The following KCNK13 variants were observed in gnomAD, a reference collection of about 807,000 sequenced individuals.
KCNK13 encodes potassium two pore domain channel subfamily K member 13, also known as potassium channel subfamily K member 13.
A neutral mutation model predicts 23.4 loss-of-function variants in KCNK13; 12 were observed. That is an observed-to-expected ratio of 0.51 (90% CI 0.33 to 0.83). KCNK13 has a LOEUF of 0.83. Among genes scored for constraint, KCNK13 ranks in the 40% least tolerant of loss-of-function variants. The pLI is 0.02. For missense variants in KCNK13, 463 were observed against 556.3 expected (o/e 0.83, Z 1.69); for synonymous variants, 231 against 229.5 (o/e 1.01, Z -0.06).
chr14:90,113,661 G>A (rs555685710), intron 1 of KCNK13, among the ~76,000 whole-genome samples: 2 of 152,130 alleles, frequency 1.3e-5, no homozygotes, highest in African/African-American at 2.4e-5. Flanking sequence ...GGCCGGGCAC[G>A]GTGGCTCATG....
chr14:90,113,358 C>T (rs902805068), intron 1 of KCNK13, among the ~76,000 whole-genome samples: 3 of 151,940 alleles, frequency 2.0e-5, no homozygotes, highest in Admixed American at 6.6e-5. Context: ...TGGTAAAATT[C>T]GGACGAAAAT....
intron 1 of KCNK13, among the ~76,000 whole-genome samples, chr14:90,144,894 G>A (rs1451502232): frequency 1.3e-5 from 2 of 152,104 alleles, no homozygotes; most frequent in East Asian, 1.9e-4. Context: ...GGAAAGCATT[G>A]TCTCTCATCA....
At chr14:90,133,239 C>T (rs1668686286) in intron 1 of KCNK13, among the ~76,000 whole-genome samples, 1 of 152,174 alleles carries the variant, frequency 6.6e-6, no homozygotes, top group African/African-American at 2.4e-5. Context: ...AAATCAGGCA[C>T]AGACCTCAAA....
intron 1 of KCNK13, among the ~76,000 whole-genome samples, chr14:90,176,000 G>C (rs191962535): frequency 1.3e-5 from 2 of 152,108 alleles, no homozygotes. Flanking sequence ...GTACAGCATC[G>C]CTCCCACCAT....
At chr14:90,135,949 A>C (rs1889931242) in intron 1 of KCNK13, among the ~76,000 whole-genome samples, 2 of 152,106 alleles carry the variant, frequency 1.3e-5, no homozygotes, top group Admixed American at 1.3e-4. Context: ...GGGCATAAAG[A>C]AAACTCACTT....
chr14:90,066,979 G>A (rs1479142640), intron 1 of KCNK13, among the ~76,000 whole-genome samples: 1 of 152,128 alleles, frequency 6.6e-6, no homozygotes, highest in Admixed American at 6.5e-5. Context: ...AAAAAAAAAG[G>A]AATGAAATTG....
At chr14:90,148,442 A>G (rs59296203) in intron 1 of KCNK13, among the ~76,000 whole-genome samples, 9,894 of 152,314 alleles carry the variant, frequency 0.065, 419 homozygotes, top group South Asian at 0.21. Flanking sequence ...ATCATTTCAT[A>G]TGGATAATAA....
At chr14:90,130,534 C>T (rs1043623218) in intron 1 of KCNK13, among the ~76,000 whole-genome samples, 6 of 151,508 alleles carry the variant, frequency 4.0e-5, no homozygotes, top group Non-Finnish European at 8.8e-5. Flanking sequence ...GAGTGTTGGC[C>T]GGGCACAGTC....
At chr14:90,069,454 A>G (rs1480075951) in intron 1 of KCNK13, among the ~76,000 whole-genome samples, 3 of 152,028 alleles carry the variant, frequency 2.0e-5, no homozygotes, top group African/African-American at 7.3e-5. Context: ...TCTGGGGCTC[A>G]GCTGGTAGGT....
chr14:90,165,612 G>A (rs1209875959), intron 1 of KCNK13, among the ~76,000 whole-genome samples: 2 of 152,152 alleles, frequency 1.3e-5, no homozygotes, highest in African/African-American at 4.8e-5. Context: ...TCAGTCTGAG[G>A]GAGGGCAATT....
chr14:90,152,438 G>A (rs918189949), intron 1 of KCNK13, among the ~76,000 whole-genome samples: 1 of 152,156 alleles, frequency 6.6e-6, no homozygotes, highest in Admixed American at 6.5e-5. Context: ...AGAAGGCTGA[G>A]GCAGGAGAAT....
At chr14:90,130,151 GCTAGAA>G (rs1889850009) in intron 1 of KCNK13, among the ~76,000 whole-genome samples, 1 of 151,850 alleles carries the variant, frequency 6.6e-6, no homozygotes, top group South Asian at 2.1e-4. Context: ...TTTATCACAT[GCTAGAA>G]CTGGAAGAAG....
At position 90,184,731 on chromosome 14, in the gene KCNK13, G is replaced by A. The variant is rs116151862; in HGVS notation, c.955G>A (p.Val319Ile). The A allele has an allele frequency of 7.6e-4, 1,227 of 1,614,174 alleles. 1 individual carries two copies. The highest frequency in any genetic ancestry group is 8.9e-4 in the Non-Finnish European group (1,046 of 1,180,032). ...CAGGAACGTGGTGATGCCAGGCAGC[G>A]TCCGGAACCGCTGCAACATCTCCAT... ...SRRNVVMPGS[V>I]RNRCNISIET... Residue 319 changes from valine to isoleucine, a missense_variant, in exon 2 of 2, where the codon GTC becomes ATC. By Grantham distance (29) the Val-to-Ile change is conservative. Around this residue, in one of 3 missense-constraint regions of KCNK13, gnomAD observed 166 missense variants for 178.8 expected, o/e 0.93. Transcript: ENST00000282146. The surrounding 1 kb of genome is among the most constrained non-coding windows in gnomAD (Gnocchi z 5.6).
At chr14:90,143,351 G>T in intron 1 of KCNK13, among the ~76,000 whole-genome samples, 1 of 151,652 alleles carries the variant, frequency 6.6e-6, no homozygotes. Context: ...GGGATTCGCA[G>T]CTTTTCATAC....
intron 1 of KCNK13, among the ~76,000 whole-genome samples, chr14:90,120,335 G>C (rs982849058): frequency 3.9e-5 from 6 of 152,178 alleles, no homozygotes; most frequent in Non-Finnish European, 5.9e-5. Context: ...CTCCCCACAA[G>C]AGTTTACTTT....
At chr14:90,120,689 T>C (rs1743531793) in intron 1 of KCNK13, among the ~76,000 whole-genome samples, 1 of 152,198 alleles carries the variant, frequency 6.6e-6, no homozygotes, top group Admixed American at 6.6e-5. Context: ...ATTATGGGAT[T>C]AAAATTTACG....
At chr14:90,178,887 A>T (rs1566653356) in intron 1 of KCNK13, among the ~76,000 whole-genome samples, 1 of 152,166 alleles carries the variant, frequency 6.6e-6, no homozygotes, top group African/African-American at 2.4e-5. Context: ...CAACAAATCA[A>T]GGGCATACCA....
chr14:90,157,243 G>A (rs1198102816), intron 1 of KCNK13, among the ~76,000 whole-genome samples: 1 of 152,128 alleles, frequency 6.6e-6, no homozygotes, highest in African/African-American at 2.4e-5. Flanking sequence ...ACTATCTATT[G>A]TAATCCTCAG....
intron 1 of KCNK13, among the ~76,000 whole-genome samples, chr14:90,070,866 C>T (rs1178106870): frequency 4.6e-5 from 7 of 152,150 alleles, no homozygotes; most frequent in African/African-American, 1.7e-4. Flanking sequence ...TACCTCCACT[C>T]AGGATAGGGT....
Sources: allele counts gnomAD v4.1 joint callset (sites outside exome capture counted in the v4.1 genomes callset), GRCh38; gene constraint gnomAD v4.1.1; regional missense constraint gnomAD v4.1.1; non-coding constraint Gnocchi (gnomAD v3.1); transcripts MANE v1.5; gene names NCBI Gene and HGNC (gene_info 2026-07-23, HGNC 2026-07-21).